Variants in TRIO observed in about 807,000 individuals in gnomAD.
TRIO encodes the protein trio Rho guanine nucleotide exchange factor, also known as triple functional domain protein.
In TRIO, 58 loss-of-function variants were observed where a neutral mutation model predicts 351.9. The ratio of observed to expected loss-of-function variants is 0.16; its 90% CI spans 0.13 to 0.21. The LOEUF (loss-of-function observed/expected upper bound fraction) is 0.21, where lower values mean the gene tolerates loss of function less well. TRIO is among the 10% of genes least tolerant of loss of function. The pLI is 1.00. For missense variants in TRIO, 3,201 were observed against 4,027.8 expected (o/e 0.79, Z 5.56); for synonymous variants, 1,758 against 1,595.7 (o/e 1.10, Z -2.42).
intron 29 of TRIO, among the ~76,000 whole-genome samples, chr5:14,398,537 C>T (rs75762612): frequency 0.012 from 1,870 of 152,016 alleles, 46 homozygotes; most frequent in African/African-American, 0.042. Flanking sequence ...GAGGAGCTTT[C>T]GGTGGTGGGA....
At chr5:14,343,089 CAAAAAAA>C (rs34378604) in intron 11 of TRIO, among the ~76,000 whole-genome samples, 4 of 135,556 alleles carry the variant, frequency 3.0e-5, no homozygotes, top group Admixed American at 1.5e-4. Context: ...CAGAAAGTTG[CAAAAAAA>C]AAAAAAAAAA....
At chr5:14,217,309 C>A (rs1792285803) in intron 1 of TRIO, among the ~76,000 whole-genome samples, 1 of 152,152 alleles carries the variant, frequency 6.6e-6, no homozygotes, top group Non-Finnish European at 1.5e-5. Flanking sequence ...TAAACCATTA[C>A]CAGGAGAGTT....
chr5:14,160,746 C>A (rs1788396350), intron 1 of TRIO, among the ~76,000 whole-genome samples: 1 of 152,170 alleles, frequency 6.6e-6, no homozygotes, highest in Admixed American at 6.5e-5. Flanking sequence ...CTGGTACACG[C>A]CTATTTTACT....
intron 1 of TRIO, among the ~76,000 whole-genome samples, chr5:14,231,110 A>G (rs769485363): frequency 6.6e-6 from 1 of 152,248 alleles, no homozygotes; most frequent in Non-Finnish European, 1.5e-5. Flanking sequence ...CCAAAGGTTT[A>G]GGAATTTACT....
intron 1 of TRIO, among the ~76,000 whole-genome samples, chr5:14,163,041 A>G (rs1458716152): frequency 6.6e-6 from 1 of 152,154 alleles, no homozygotes; most frequent in Non-Finnish European, 1.5e-5. Context: ...ATACATGTGC[A>G]GAACGTGCAG....
intron 46 of TRIO, among the ~76,000 whole-genome samples, chr5:14,483,806 C>T (rs1360940613): frequency 1.3e-5 from 2 of 152,190 alleles, no homozygotes; most frequent in African/African-American, 2.4e-5. Flanking sequence ...ACCCTGAGGC[C>T]ATGTCAGGCA....
intron 23 of TRIO, 71 bp downstream of exon 23, chr5:14,387,918 C>G: frequency 6.6e-7 from 1 of 1,505,510 alleles, no homozygotes; most frequent in Non-Finnish European, 9.1e-7. Flanking sequence ...GACAGACATG[C>G]TTCTGTGTGT....
intron 34 of TRIO, among the ~76,000 whole-genome samples, chr5:14,438,896 C>G (rs541471417): frequency 6.6e-6 from 1 of 152,248 alleles, no homozygotes; most frequent in Non-Finnish European, 1.5e-5. Flanking sequence ...CCATCTGACA[C>G]GCTCTGCAGT....
intron 2 of TRIO, among the ~76,000 whole-genome samples, chr5:14,274,861 G>A (rs1735360906): frequency 6.6e-6 from 1 of 152,100 alleles, no homozygotes; most frequent in African/African-American, 2.4e-5. Flanking sequence ...TGGCTCCTAA[G>A]TTTTGTTTGC....
chr5:14,363,616 T>C (rs1744343740), intron 13 of TRIO, 116 bp from the exon 14 acceptor site: 1 of 879,570 alleles, frequency 1.1e-6, no homozygotes, highest in Non-Finnish European at 1.8e-6. Flanking sequence ...GCATCTTAAG[T>C]GTTTGACGTC....
At chr5:14,453,023 G>A (rs759383942) in intron 34 of TRIO, among the ~76,000 whole-genome samples, 2 of 152,046 alleles carry the variant, frequency 1.3e-5, no homozygotes, top group African/African-American at 2.4e-5. Context: ...TCTCTCCTGC[G>A]TGGGGCTGAA....
intron 8 of TRIO, among the ~76,000 whole-genome samples, chr5:14,309,637 A>G (rs1330305999): frequency 6.6e-6 from 1 of 152,164 alleles, no homozygotes; most frequent in East Asian, 1.9e-4. Flanking sequence ...CCAATGGTAC[A>G]CAGATCACAT....
At chr5:14,403,201 TGTG>T (rs1427870625) in intron 31 of TRIO, among the ~76,000 whole-genome samples, 736 of 57,284 alleles carry the variant, frequency 0.013, 15 homozygotes, top group African/African-American at 0.043. Flanking sequence ...GGGTGCAGGT[TGTG>T]GTGAGGGTGC....
At chr5:14,161,829 C>T (rs766164146) in intron 1 of TRIO, among the ~76,000 whole-genome samples, 16 of 152,278 alleles carry the variant, frequency 1.1e-4, no homozygotes, top group South Asian at 4.1e-4. Flanking sequence ...TGGGCTCAGG[C>T]GATCCACCCA....
intron 31 of TRIO, among the ~76,000 whole-genome samples, 171 bp downstream of exon 31, chr5:14,401,235 G>A (rs184049635): frequency 6.6e-6 from 1 of 152,222 alleles, no homozygotes; most frequent in East Asian, 1.9e-4. Context: ...AATTCAGTTT[G>A]GTGTTCTGGT....
chr5:14,189,245 C>T (rs1415137456), intron 1 of TRIO, among the ~76,000 whole-genome samples: 2 of 152,192 alleles, frequency 1.3e-5, no homozygotes, highest in Admixed American at 6.5e-5. Context: ...CTGTCCTGTA[C>T]TTGGAGCATC....
intron 49 of TRIO, among the ~76,000 whole-genome samples, chr5:14,495,914 G>A (rs1382427492): frequency 6.6e-6 from 1 of 152,154 alleles, no homozygotes; most frequent in African/African-American, 2.4e-5. Flanking sequence ...CTTGCAGTGA[G>A]CCGAGTTCGC....
chr5:14,372,084 T>G (rs1348045920), intron 18 of TRIO, among the ~76,000 whole-genome samples: 1 of 152,130 alleles, frequency 6.6e-6, no homozygotes, highest in Non-Finnish European at 1.5e-5. Context: ...AAGAAATACG[T>G]TCCTCGGATT....
chr5:14,472,377 C>T (rs1754754455), intron 38 of TRIO, among the ~76,000 whole-genome samples: 1 of 152,200 alleles, frequency 6.6e-6, no homozygotes, highest in Admixed American at 6.5e-5. Context: ...CCCTCATGCA[C>T]TGTGCCTAGG....
Sources: allele counts gnomAD v4.1 joint callset (sites outside exome capture counted in the v4.1 genomes callset), GRCh38; gene constraint gnomAD v4.1.1; transcripts MANE v1.5; gene names NCBI Gene and HGNC (gene_info 2026-07-23, HGNC 2026-07-21).